TCOF1: variants seen among roughly 807,000 people sequenced by gnomAD.
The protein encoded by TCOF1 is treacle ribosome biogenesis factor 1.
TCOF1 carries 33 observed loss-of-function variants against 149.0 expected under a neutral mutation model. The ratio of observed to expected loss-of-function variants is 0.22; its 90% CI spans 0.17 to 0.30. The LOEUF is 0.30. TCOF1 is among the 10% of genes least tolerant of loss of function. The pLI is 1.00. For missense variants in TCOF1, 1,728 were observed against 1,840.7 expected (o/e 0.94, Z 1.12); for synonymous variants, 789 against 738.8 (o/e 1.07, Z -1.10).
chr5:150,385,610 A>G (rs1319923919), intron 17 of TCOF1, among the ~76,000 whole-genome samples: 1 of 152,154 alleles, frequency 6.6e-6, no homozygotes, highest in Non-Finnish European at 1.5e-5. Context: ...GTCCCTTGCC[A>G]GGGTCCGCAG....
intron 11 of TCOF1, 31 bp downstream of exon 11, chr5:150,375,585 T>G (rs759114367): frequency 5.6e-6 from 9 of 1,613,538 alleles, no homozygotes; most frequent in Non-Finnish European, 7.6e-6. Flanking sequence ...GCTCTTTCTT[T>G]TTCCCCCCCA....
intron 2 of TCOF1, among the ~76,000 whole-genome samples, chr5:150,362,439 G>T (rs1760342786): frequency 6.6e-6 from 1 of 152,174 alleles, no homozygotes; most frequent in African/African-American, 2.4e-5. Flanking sequence ...CAGGAGAGGG[G>T]TGTGAGGGAC....
intron 17 of TCOF1, chr5:150,383,172 G>C: frequency 1.3e-6 from 2 of 1,535,290 alleles, no homozygotes; most frequent in African/African-American, 1.4e-5. Context: ...CACTGACCCA[G>C]GTGCGCCATG....
intron 21 of TCOF1, 183 bp from the exon 22 acceptor site, chr5:150,392,522 G>C: frequency 1.5e-6 from 1 of 650,484 alleles, no homozygotes. Context: ...GTCGCACCTA[G>C]CATGCTGTGA....
chr5:150,373,045 A>G (rs1270310564), intron 7 of TCOF1, among the ~76,000 whole-genome samples: 1 of 152,162 alleles, frequency 6.6e-6, no homozygotes, highest in Non-Finnish European at 1.5e-5. Flanking sequence ...GGGGCTACAC[A>G]GTGTTGGATG....
At chr5:150,371,368 C>G (rs1762484300) in intron 6 of TCOF1, among the ~76,000 whole-genome samples, 2 of 152,130 alleles carry the variant, frequency 1.3e-5, no homozygotes, top group East Asian at 3.8e-4. Context: ...GGAAGAAGAC[C>G]ACTCCCAGCC....
chr5:150,395,435 C>T (rs1349392758), intron 23 of TCOF1, among the ~76,000 whole-genome samples: 1 of 152,178 alleles, frequency 6.6e-6, no homozygotes, highest in Non-Finnish European at 1.5e-5. Context: ...CTGCAGCTTG[C>T]CCCAGGCTGG....
rs574177083 is a variant in TCOF1, at chr5:150,398,284, C to T, written c.4346-70C>T. 4 of 1,606,462 alleles carry T rather than the reference C, an allele frequency of 2.5e-6. No homozygotes were observed. In the South Asian group the frequency reaches 3.3e-5, roughly 13 times the overall value. ...AAAGCTGGGAGCCCTGCCCTGTGCACCTCCCAACATTGACCCCAGCACTTA... is the reference window on the plus strand; with the variant it reads ...AAAGCTGGGAGCCCTGCCCTGTGCATCTCCCAACATTGACCCCAGCACTTA... On this transcript the variant is annotated intron_variant, in intron 24 of 26. Coordinates refer to ENST00000643257, the MANE Select transcript of TCOF1 (RefSeq NM_001371623.1).
chr5:150,367,628 T>C (rs1761645032), intron 3 of TCOF1: 3 of 591,550 alleles, frequency 5.1e-6, no homozygotes, highest in Admixed American at 2.4e-5. Context: ...TGCAGACACA[T>C]AGCTTCATGT....
intron 23 of TCOF1, 149 bp downstream of exon 23, chr5:150,393,701 G>T: frequency 9.5e-7 from 1 of 1,056,310 alleles, no homozygotes; most frequent in Non-Finnish European, 1.4e-6. Flanking sequence ...CCTTGCATTG[G>T]ACCTGAAGAT....
At position 150,374,332 on chromosome 5, in the gene TCOF1, C is replaced by A; in HGVS notation, c.1029C>A (p.Ser343Arg). 6.4e-7 allele frequency: 1 copy of A among 1,570,610 alleles called. No homozygotes were observed. The highest frequency in any genetic ancestry group is 1.2e-5 in the South Asian group (1 of 86,344). ...CAGAGGAGGACTCAGAGAGCAGCAG[C>A]GAGGAGTCATCTGACAGTGAGGAGG... is the stretch of plus-strand genomic sequence containing the variant. Reference protein sequence around the residue: ...GKPEEDSESSSEESSDSEEET... With the variant: ...GKPEEDSESSREESSDSEEET... Residue 343 changes from serine (S) to arginine (R), a missense_variant, in exon 8 of 27, where the codon AGC becomes AGA. Coordinates refer to ENST00000643257, the MANE Select transcript of TCOF1 (RefSeq NM_001371623.1).
intron 23 of TCOF1, among the ~76,000 whole-genome samples, chr5:150,395,666 G>A (rs763077535): frequency 1.1e-4 from 17 of 152,094 alleles, no homozygotes; most frequent in Admixed American, 2.6e-4. Flanking sequence ...CAGCCACCAC[G>A]TGTATATACA....
At chr5:150,364,281 C>CT (rs1420172765) in intron 3 of TCOF1, 29 bp downstream of exon 3, 2 of 1,613,794 alleles carry the variant, frequency 1.2e-6, no homozygotes, top group Admixed American at 3.3e-5. Flanking sequence ...TGGGAACAGG[C>CT]TATGGAATAT....
At position 150,372,149 on chromosome 5, in the gene TCOF1, G is replaced by A. The variant is rs1019757795; in HGVS notation, c.783G>A (p.Lys261=). The A allele has an allele frequency of 2.5e-6, 4 of 1,614,222 alleles. No homozygotes were observed. In the East Asian group the frequency reaches 6.7e-5, roughly 27 times the overall value. Reference sequence around the variant, plus strand: ...AAGGAGGGGCCCTGCCCCCAGCCAAGAGGGCCAAGAAGCCAGAAGAGGAGT... The same window carrying A: ...AAGGAGGGGCCCTGCCCCCAGCCAAAAGGGCCAAGAAGCCAGAAGAGGAGT... ...QVKGGALPPA[K]RAKKPEEESE... The change falls in exon 7 of 27, where the codon AAG becomes AAA. Residue 261 remains lysine (K), a synonymous_variant. Transcript: ENST00000643257.
chr5:150,389,774 C>G, intron 18 of TCOF1, 113 bp from the exon 19 acceptor site: 1 of 1,585,450 alleles, frequency 6.3e-7, no homozygotes, highest in South Asian at 1.1e-5. Context: ...CTCTGTAAGC[C>G]CTGAGCACAG....
intron 1 of TCOF1, among the ~76,000 whole-genome samples, chr5:150,360,430 C>T (rs1240079727): frequency 6.6e-6 from 1 of 152,178 alleles, no homozygotes; most frequent in Non-Finnish European, 1.5e-5. Flanking sequence ...GGTCATGCCA[C>T]CTGGATGCCT....
intron 19 of TCOF1, among the ~76,000 whole-genome samples, chr5:150,390,837 AG>A (rs1767275330): frequency 6.6e-6 from 1 of 152,174 alleles, no homozygotes; most frequent in Admixed American, 6.5e-5. Flanking sequence ...GAACCAAGAC[AG>A]GGACAAGGAA....
At chr5:150,383,790 C>A in intron 17 of TCOF1, 1 of 1,551,816 alleles carries the variant, frequency 6.4e-7, no homozygotes, top group South Asian at 1.2e-5. Context: ...CTCTCTCAAG[C>A]ACCTGTGGCA....
At chr5:150,357,942 G>C (rs1430817193) in intron 1 of TCOF1, 88 bp downstream of exon 1, 2 of 1,424,360 alleles carry the variant, frequency 1.4e-6, no homozygotes, top group African/African-American at 2.9e-5. Context: ...CAGGCGACCC[G>C]GCAGGCGCCC....
Sources: allele counts gnomAD v4.1 joint callset (sites outside exome capture counted in the v4.1 genomes callset), GRCh38; gene constraint gnomAD v4.1.1; transcripts MANE v1.5; gene names NCBI Gene and HGNC (gene_info 2026-07-23, HGNC 2026-07-21).